The following ZFPM2 variants were observed in gnomAD, a reference collection of about 807,000 sequenced individuals.
ZFPM2 encodes zinc finger protein, FOG family member 2, also known as zinc finger protein ZFPM2.
ZFPM2 carries 20 observed loss-of-function variants against 98.6 expected under a neutral mutation model. The observed-to-expected ratio is 0.20, with a 90% CI of 0.14 to 0.29. The LOEUF (loss-of-function observed/expected upper bound fraction) is 0.29. Among genes scored for constraint, ZFPM2 ranks in the 10% least tolerant of loss-of-function variants. ZFPM2 has a pLI of 1.00. For synonymous variants in ZFPM2, 518 were observed against 502.7 expected (o/e 1.03, Z -0.41); for missense variants, 1,310 against 1,388.6 (o/e 0.94, Z 0.90).
Position 105,793,194 on chromosome 8 carries a change from G to A in ZFPM2, c.739+4270G>A, listed in dbSNP as rs916488126. On this transcript the variant is annotated intron_variant, in intron 6 of 7. Coordinates refer to ENST00000407775, the MANE Select transcript of ZFPM2 (RefSeq NM_012082.4). ...TCTTCCTAGTCTCGATGGTCTTTAC[G>A]TTTTGGCATGATTTTGCAGCAGCTG... 1.8e-4 allele frequency among the ~76,000 whole-genome samples: 28 copies of A among 152,004 alleles called. 1 individual carries two copies. The South Asian group carries it at 2.3e-3, about 12-fold the overall frequency.
intron 5 of ZFPM2, among the ~76,000 whole-genome samples, chr8:105,724,101 G>A (rs1268714185): frequency 6.6e-6 from 1 of 151,582 alleles, no homozygotes; most frequent in Non-Finnish European, 1.5e-5. Flanking sequence ...TAATGACTTA[G>A]ATTAAAAAAA....
chr8:105,457,947 C>G (rs866009422), intron 3 of ZFPM2, among the ~76,000 whole-genome samples: 2 of 152,110 alleles, frequency 1.3e-5, no homozygotes, highest in Non-Finnish European at 2.9e-5. Context: ...CATCTACCAA[C>G]TATATAAAGG....
intron 1 of ZFPM2, among the ~76,000 whole-genome samples, chr8:105,325,233 A>C (rs975502149): frequency 6.6e-6 from 1 of 151,934 alleles, no homozygotes; most frequent in African/African-American, 2.4e-5. Flanking sequence ...GTAAGTATGT[A>C]TCGTTTAATA....
chr8:105,490,108 G>T (rs533454938), intron 3 of ZFPM2, among the ~76,000 whole-genome samples: 6 of 151,942 alleles, frequency 3.9e-5, no homozygotes, highest in African/African-American at 1.5e-4. Flanking sequence ...TTAGCTGGGC[G>T]TGGTGGCGGG....
intron 5 of ZFPM2, among the ~76,000 whole-genome samples, chr8:105,734,569 G>T (rs1458247176): frequency 5.3e-5 from 8 of 151,894 alleles, no homozygotes; most frequent in Non-Finnish European, 7.4e-5. Flanking sequence ...TAACTACCTA[G>T]ACTTTACAGT....
intron 5 of ZFPM2, among the ~76,000 whole-genome samples, chr8:105,743,499 G>T (rs1281463085): frequency 6.6e-6 from 1 of 152,032 alleles, no homozygotes; most frequent in Non-Finnish European, 1.5e-5. Context: ...GGTATATGCA[G>T]GGGTGCAGGG....
At chr8:105,467,971 A>C (rs1191289748) in intron 3 of ZFPM2, among the ~76,000 whole-genome samples, 1 of 151,910 alleles carries the variant, frequency 6.6e-6, no homozygotes, top group Non-Finnish European at 1.5e-5. Flanking sequence ...ACTACTCTAA[A>C]ATAATCTAAA....
intron 5 of ZFPM2, among the ~76,000 whole-genome samples, chr8:105,781,512 G>A (rs1260516255): frequency 6.6e-6 from 1 of 152,062 alleles, no homozygotes; most frequent in Non-Finnish European, 1.5e-5. Context: ...CTTGAGCTCA[G>A]GAGTTCGATA....
intron 4 of ZFPM2, among the ~76,000 whole-genome samples, chr8:105,602,715 T>C (rs1339916365): frequency 1.4e-5 from 2 of 144,606 alleles, no homozygotes; most frequent in Admixed American, 6.9e-5. Flanking sequence ...GACTTGCTTC[T>C]GTTATTCTGG....
At chr8:105,440,879 C>T (rs149906128) in intron 2 of ZFPM2, among the ~76,000 whole-genome samples, 2,555 of 152,232 alleles carry the variant, frequency 0.017, 68 homozygotes, top group Non-Finnish European at 0.017. Flanking sequence ...GGGACGGGAG[C>T]GGTGGCTCAC....
chr8:105,429,488 T>G (rs1334256773), intron 2 of ZFPM2, among the ~76,000 whole-genome samples: 1 of 144,004 alleles, frequency 6.9e-6, no homozygotes, highest in Non-Finnish European at 1.5e-5. Flanking sequence ...AAACTTGGGC[T>G]GATTAAGGAA....
intron 5 of ZFPM2, among the ~76,000 whole-genome samples, chr8:105,751,528 T>C (rs1812475587): frequency 6.6e-6 from 1 of 152,084 alleles, no homozygotes; most frequent in South Asian, 2.1e-4. Context: ...GTGGAACACA[T>C]ACTGTGGAGT....
chr8:105,607,294 T>A (rs1816215777), intron 4 of ZFPM2, among the ~76,000 whole-genome samples: 1 of 152,106 alleles, frequency 6.6e-6, no homozygotes, highest in African/African-American at 2.4e-5. Flanking sequence ...TTTTTTAACT[T>A]GAAACTTGGT....
chr8:105,532,817 A>G (rs896708331), intron 3 of ZFPM2, among the ~76,000 whole-genome samples: 5 of 152,066 alleles, frequency 3.3e-5, no homozygotes, highest in African/African-American at 4.8e-5. Flanking sequence ...GTTTACAAGA[A>G]CTATGGAAGA....
intron 5 of ZFPM2, among the ~76,000 whole-genome samples, chr8:105,692,261 T>A (rs1810904474): frequency 1.3e-5 from 2 of 152,224 alleles, no homozygotes; most frequent in Admixed American, 1.3e-4. Context: ...GAAAACAAAT[T>A]GTTAGAACAC....
At chr8:105,693,535 C>T (rs891998769) in intron 5 of ZFPM2, among the ~76,000 whole-genome samples, 59 of 152,230 alleles carry the variant, frequency 3.9e-4, no homozygotes, top group Middle Eastern at 3.4e-3. Flanking sequence ...CATAGCCAAG[C>T]GCACTGAAAC....
At chr8:105,763,038 A>G (rs1473436452) in intron 5 of ZFPM2, among the ~76,000 whole-genome samples, 3 of 150,938 alleles carry the variant, frequency 2.0e-5, no homozygotes, top group Non-Finnish European at 1.5e-5. Flanking sequence ...TAACATATCA[A>G]TCATGATGAC....
chr8:105,404,418 T>C (rs1213764056), intron 1 of ZFPM2, among the ~76,000 whole-genome samples: 1 of 152,134 alleles, frequency 6.6e-6, no homozygotes, highest in African/African-American at 2.4e-5. Context: ...CACATTCTAT[T>C]TGACGTCTTA....
chr8:105,786,552 G>T (rs756561013), intron 5 of ZFPM2, among the ~76,000 whole-genome samples: 2 of 151,774 alleles, frequency 1.3e-5, no homozygotes, highest in Non-Finnish European at 2.9e-5. Context: ...GATACGCTCT[G>T]ACTAAACCAT....
Sources: gnomAD v4.1 joint callset for allele counts (sites outside exome capture counted in the v4.1 genomes callset) on GRCh38, gnomAD v4.1.1 for gene constraint, MANE v1.5 for transcripts, NCBI Gene and HGNC (gene_info 2026-07-23, HGNC 2026-07-21) for gene names.